The following NRXN1 variants were observed in gnomAD, a reference collection of about 807,000 sequenced individuals.
The protein encoded by NRXN1 is neurexin 1, also known as neurexin-1.
In NRXN1, 39 loss-of-function variants were observed where a neutral mutation model predicts 150.9. The observed-to-expected ratio is 0.26, with a 90% CI of 0.20 to 0.34. NRXN1 has a LOEUF of 0.34. NRXN1 is among the 10% of genes least tolerant of loss of function. The pLI is 1.00. For synonymous variants in NRXN1, 924 were observed against 757.0 expected (o/e 1.22, Z -3.62); for missense variants, 1,815 against 1,949.9 (o/e 0.93, Z 1.30).
At chr2:50,179,821 T>C (rs529534712) in intron 18 of NRXN1, among the ~76,000 whole-genome samples, 1 of 152,222 alleles carries the variant, frequency 6.6e-6, no homozygotes, top group Admixed American at 6.6e-5. Context: ...TTAGGAGTGC[T>C]TAACCTAGAG....
intron 5 of NRXN1, among the ~76,000 whole-genome samples, chr2:50,802,683 T>TA (rs1707786636): frequency 6.6e-6 from 1 of 151,944 alleles, no homozygotes; most frequent in Admixed American, 6.6e-5. Context: ...TAGGGTCTTT[T>TA]TAGAGGTAAA....
chr2:50,943,254 A>C (rs2104509120), intron 2 of NRXN1, among the ~76,000 whole-genome samples: 1 of 152,352 alleles, frequency 6.6e-6, no homozygotes. Flanking sequence ...GCAGCTCCTT[A>C]CAGCAGTGTA....
At position 50,319,004 on chromosome 2, in the gene NRXN1, CATA is replaced by C. The variant is rs1421951966; in HGVS notation, c.3365-82037_3365-82035del. On this transcript the variant is annotated intron_variant, in intron 17 of 22. Coordinates refer to ENST00000401669, the MANE Select transcript of NRXN1 (RefSeq NM_001330078.2). ...ATATTGTTAATTGCAGTTTAATAAA[CATA>C]ATAAGTTTAAATTAAGAAGAAAAGC... Among the ~76,000 whole-genome samples the C allele has an allele frequency of 2.6e-4, 39 of 151,988 alleles. 1 individual carries two copies. The highest frequency in any genetic ancestry group is 1.2e-3 in the Admixed American group (19 of 15,262).
chr2:49,931,860 A>G (rs1422255247), intron 22 of NRXN1, among the ~76,000 whole-genome samples: 1 of 152,152 alleles, frequency 6.6e-6, no homozygotes, highest in Non-Finnish European at 1.5e-5. Context: ...AACACCCAAA[A>G]ATATATACAT....
chr2:50,713,231 T>C (rs755103757), intron 5 of NRXN1, among the ~76,000 whole-genome samples: 47 of 151,892 alleles, frequency 3.1e-4, no homozygotes, highest in Admixed American at 5.2e-4. Context: ...CTGGAATGAC[T>C]TGAACCTGGG....
intron 2 of NRXN1, among the ~76,000 whole-genome samples, chr2:51,008,942 G>T (rs902376359): frequency 1.3e-5 from 2 of 151,564 alleles, no homozygotes; most frequent in African/African-American, 4.8e-5. Context: ...TACAGTAAAT[G>T]AAACAAAAAT....
At chr2:50,812,993 C>T (rs1378712527) in intron 5 of NRXN1, among the ~76,000 whole-genome samples, 4 of 151,874 alleles carry the variant, frequency 2.6e-5, no homozygotes, top group African/African-American at 9.7e-5. Flanking sequence ...AGCTGGAGAT[C>T]AGTTTGGGCA....
intron 12 of NRXN1, among the ~76,000 whole-genome samples, chr2:50,507,792 GT>G (rs890218709): frequency 1.3e-5 from 2 of 151,756 alleles, no homozygotes; most frequent in African/African-American, 4.8e-5. Context: ...TTTCCCTGGT[GT>G]TTTTTTAAGT....
chr2:50,520,162 C>G (rs138153455), intron 12 of NRXN1, among the ~76,000 whole-genome samples: 1 of 151,792 alleles, frequency 6.6e-6, no homozygotes, highest in African/African-American at 2.4e-5. Context: ...AATTGAAATC[C>G]TAGGCTACTT....
intron 21 of NRXN1, among the ~76,000 whole-genome samples, chr2:49,977,005 C>T (rs143922818): frequency 1.3e-5 from 2 of 152,140 alleles, no homozygotes; most frequent in East Asian, 1.9e-4. Flanking sequence ...ATGTTTTTAC[C>T]AATAATGGTG....
intron 17 of NRXN1, among the ~76,000 whole-genome samples, chr2:50,264,691 AT>A: frequency 6.6e-6 from 1 of 152,232 alleles, no homozygotes; most frequent in East Asian, 1.9e-4. Context: ...CCAGAATATT[AT>A]AACACAGTTA....
intron 21 of NRXN1, among the ~76,000 whole-genome samples, chr2:50,031,355 G>T (rs1312827410): frequency 1.3e-5 from 2 of 151,824 alleles, no homozygotes; most frequent in African/African-American, 4.8e-5. Context: ...AGAATCCAAA[G>T]AAATATCTCA....
chr2:50,390,322 A>G (rs2081603087), intron 17 of NRXN1, among the ~76,000 whole-genome samples: 1 of 152,168 alleles, frequency 6.6e-6, no homozygotes, highest in Non-Finnish European at 1.5e-5. Flanking sequence ...TCCATGAATC[A>G]AAAGGGAAGT....
intron 17 of NRXN1, among the ~76,000 whole-genome samples, chr2:50,274,198 A>T (rs1220240697): frequency 1.6e-5 from 2 of 128,084 alleles, no homozygotes; most frequent in Non-Finnish European, 3.7e-5. Context: ...ATGCAGCCAT[A>T]AAAAAAGATG....
intron 5 of NRXN1, among the ~76,000 whole-genome samples, chr2:50,840,003 T>C (rs1324508390): frequency 6.6e-6 from 1 of 152,154 alleles, no homozygotes; most frequent in Non-Finnish European, 1.5e-5. Context: ...GTCTTTTCAC[T>C]TCTAATAAAT....
chr2:50,620,881 C>T (rs1476451958), intron 7 of NRXN1: 6 of 276,060 alleles, frequency 2.2e-5, no homozygotes, highest in African/African-American at 8.8e-5. Flanking sequence ...AATCAAGTTT[C>T]CATGCCATGC....
intron 17 of NRXN1, among the ~76,000 whole-genome samples, chr2:50,325,380 A>T: frequency 6.6e-6 from 1 of 152,308 alleles, no homozygotes; most frequent in Middle Eastern, 3.4e-3. Context: ...CATGCCCCCC[A>T]CCAGGTCCCA....
intron 21 of NRXN1, among the ~76,000 whole-genome samples, chr2:49,947,565 T>C (rs370461370): frequency 2.5e-4 from 37 of 149,200 alleles, no homozygotes; most frequent in African/African-American, 8.7e-4. Flanking sequence ...TCTCACTGTG[T>C]TACCCAGGCT....
At chr2:50,795,749 C>T (rs2105643207) in intron 5 of NRXN1, among the ~76,000 whole-genome samples, 1 of 152,230 alleles carries the variant, frequency 6.6e-6, no homozygotes, top group Non-Finnish European at 1.5e-5. Context: ...CTTGTTTGTA[C>T]TCCTTGCTTC....
Sources: allele counts gnomAD v4.1 joint callset (sites outside exome capture counted in the v4.1 genomes callset), GRCh38; gene constraint gnomAD v4.1.1; transcripts MANE v1.5; gene names NCBI Gene and HGNC (gene_info 2026-07-23, HGNC 2026-07-21).